Variants in C4BPA observed in about 807,000 individuals in gnomAD.
The protein encoded by C4BPA is complement component 4 binding protein alpha.
C4BPA carries 31 observed loss-of-function variants against 63.7 expected under a neutral mutation model. The ratio of observed to expected loss-of-function variants is 0.49; its 90% confidence interval spans 0.37 to 0.66. The LOEUF is 0.66. C4BPA is among the 30% of genes least tolerant of loss of function. C4BPA has a pLI of 0.00. For missense variants in C4BPA, 572 were observed against 723.3 expected (o/e 0.79, Z 2.40); for synonymous variants, 259 against 254.7 (o/e 1.02, Z -0.16).
chr1:207,108,681 A>C (rs982956017), intron 1 of C4BPA, among the ~76,000 whole-genome samples: 1 of 152,218 alleles, frequency 6.6e-6, no homozygotes, highest in African/African-American at 2.4e-5. Context: ...TTTTTGCATG[A>C]ACCAGAGACA....
intron 9 of C4BPA, among the ~76,000 whole-genome samples, chr1:207,136,888 G>A (rs527356011): frequency 4.6e-5 from 7 of 152,168 alleles, no homozygotes; most frequent in Non-Finnish European, 1.0e-4. Context: ...TGGGAATTAG[G>A]GGCTGCAGTG....
intron 7 of C4BPA, among the ~76,000 whole-genome samples, chr1:207,129,898 T>A (rs1418857986): frequency 6.6e-6 from 1 of 152,176 alleles, no homozygotes; most frequent in Non-Finnish European, 1.5e-5. Flanking sequence ...CTTTATTTCT[T>A]CCTGTAGATT....
At chr1:207,106,441 G>GTTT (rs757122192) in intron 1 of C4BPA, among the ~76,000 whole-genome samples, 7,013 of 118,370 alleles carry the variant, frequency 0.059, 268 homozygotes, top group Middle Eastern at 0.083. Context: ...CTCCGTGTAA[G>GTTT]TTTTTTTTTT....
chr1:207,117,488 A>T (rs1367816423), intron 4 of C4BPA, among the ~76,000 whole-genome samples: 6 of 152,168 alleles, frequency 3.9e-5, no homozygotes, highest in Admixed American at 1.3e-4. Flanking sequence ...AGGAGAATAG[A>T]TATTTTATAA....
intron 4 of C4BPA, among the ~76,000 whole-genome samples, chr1:207,116,965 T>C (rs1473261646): frequency 6.6e-6 from 1 of 152,216 alleles, no homozygotes; most frequent in Non-Finnish European, 1.5e-5. Context: ...GCCCGTATTT[T>C]TCCTGTACAT....
intron 11 of C4BPA, 139 bp downstream of exon 11, chr1:207,144,132 T>C (rs1339195213): frequency 4.7e-6 from 3 of 631,770 alleles, no homozygotes; most frequent in Non-Finnish European, 7.7e-6. Flanking sequence ...TCAAAGAAAC[T>C]CTTTTTGTCT....
At chr1:207,130,207 C>G (rs1572791104) in intron 7 of C4BPA, among the ~76,000 whole-genome samples, 1 of 152,142 alleles carries the variant, frequency 6.6e-6, no homozygotes. Context: ...GAACAATTTC[C>G]TTTAGCATTT....
chr1:207,115,416 A>G lies in C4BPA; in HGVS notation c.329A>G (p.Tyr110Cys). 6.4e-7 allele frequency: 1 copy of G among 1,567,912 alleles called. No homozygotes were observed. Among genetic ancestry groups the G allele is most frequent in the Non-Finnish European group, 8.7e-7 (1 of 1,152,944 alleles). Reference sequence around the variant, plus strand: ...ATCATCATTTAAATTTTTCTCCCAGACAAACGATGCAGACACCCAGGAGAG... The same window carrying G: ...ATCATCATTTAAATTTTTCTCCCAGGCAAACGATGCAGACACCCAGGAGAG... ...GEWVYNTFCI[Y>C]KRCRHPGELR... Residue 110 changes from tyrosine (Y) to cysteine (C), a missense_variant and splice_region_variant, in exon 4 of 12, where the codon TAC becomes TGC. This residue lies in a region of C4BPA where 465 missense variants were observed against 629.4 expected (regional missense o/e 0.74). Coordinates refer to ENST00000367070, the MANE Select transcript of C4BPA (RefSeq NM_000715.4).
intron 1 of C4BPA, among the ~76,000 whole-genome samples, chr1:207,106,984 C>A (rs182347233): frequency 1.3e-5 from 2 of 152,106 alleles, no homozygotes; most frequent in African/African-American, 4.8e-5. Flanking sequence ...GAATAAACAC[C>A]TTCCTTGTCT....
At chr1:207,108,473 T>C (rs941559633) in intron 1 of C4BPA, among the ~76,000 whole-genome samples, 3 of 152,228 alleles carry the variant, frequency 2.0e-5, no homozygotes, top group African/African-American at 7.2e-5. Flanking sequence ...TTTTTGCAGC[T>C]GCAGAGGAAA....
At chr1:207,109,972 C>A (rs1684632700) in intron 1 of C4BPA, among the ~76,000 whole-genome samples, 1 of 152,238 alleles carries the variant, frequency 6.6e-6, no homozygotes, top group African/African-American at 2.4e-5. Context: ...TTCTTTGGAA[C>A]ACACGTTATC....
intron 7 of C4BPA, among the ~76,000 whole-genome samples, chr1:207,129,990 T>C (rs544730595): frequency 1.3e-5 from 2 of 152,206 alleles, no homozygotes; most frequent in Non-Finnish European, 2.9e-5. Flanking sequence ...TTGTCAAATA[T>C]ATTGCATTTC....
intron 8 of C4BPA, 95 bp from the exon 9 acceptor site, chr1:207,134,308 TG>T: frequency 1.1e-6 from 1 of 871,904 alleles, no homozygotes; most frequent in Non-Finnish European, 1.8e-6. Context: ...CTCTCTTCAG[TG>T]GTGAGATCGT....
At chr1:207,141,527 T>C (rs940488598) in intron 10 of C4BPA, among the ~76,000 whole-genome samples, 6 of 152,260 alleles carry the variant, frequency 3.9e-5, no homozygotes, top group Non-Finnish European at 7.3e-5. Flanking sequence ...AGGTTTCTTG[T>C]ATATTTCCAG....
chr1:207,129,589 G>A (rs1415624363), intron 7 of C4BPA, among the ~76,000 whole-genome samples: 5 of 151,998 alleles, frequency 3.3e-5, no homozygotes, highest in Admixed American at 2.0e-4. Flanking sequence ...GAAGAGCAAC[G>A]CATCATGTAC....
chr1:207,137,246 A>G (rs1188778441), intron 9 of C4BPA, among the ~76,000 whole-genome samples: 1 of 152,350 alleles, frequency 6.6e-6, no homozygotes, highest in East Asian at 1.9e-4. Flanking sequence ...TCACTTCTCT[A>G]CAACACATAC....
At chr1:207,104,744 C>A (rs543984772) in intron 1 of C4BPA, among the ~76,000 whole-genome samples, 1 of 152,322 alleles carries the variant, frequency 6.6e-6, no homozygotes, top group South Asian at 2.1e-4. Flanking sequence ...GTTTGTTGAT[C>A]TTTCACCACC....
At chr1:207,141,353 C>T in intron 10 of C4BPA, 77 bp downstream of exon 10, 1 of 1,094,300 alleles carries the variant, frequency 9.1e-7, no homozygotes, top group South Asian at 1.6e-5. Context: ...AAGTTTCTTC[C>T]CTGTCAGAGG....
At chr1:207,127,520 C>T (rs1040082357) in intron 7 of C4BPA, 2 of 152,156 alleles carry the variant, frequency 1.3e-5, no homozygotes, top group African/African-American at 4.8e-5. Flanking sequence ...AAGACTTGCT[C>T]AAGGTTATAC....
Sources: gnomAD v4.1 joint callset for allele counts (sites outside exome capture counted in the v4.1 genomes callset) on GRCh38, gnomAD v4.1.1 for gene constraint, gnomAD v4.1.1 regional missense constraint, MANE v1.5 for transcripts, NCBI Gene and HGNC (gene_info 2026-07-23, HGNC 2026-07-21) for gene names.